The following FRMD4A variants were observed in gnomAD, a reference collection of about 807,000 sequenced individuals.
FRMD4A encodes FERM domain containing 4A.
A neutral mutation model predicts 129.1 loss-of-function variants in FRMD4A; 29 were observed. The ratio of observed to expected loss-of-function variants is 0.22; its 90% CI spans 0.17 to 0.31. The LOEUF is 0.31. Among genes scored for constraint, FRMD4A ranks in the 10% least tolerant of loss-of-function variants. The pLI is 1.00. For synonymous variants in FRMD4A, 634 were observed against 571.6 expected, an observed-to-expected ratio of 1.11 and a Z score of -1.56; for missense variants, 1,272 against 1,375.8, an observed-to-expected ratio of 0.92 and a Z score of 1.19.
intron 3 of FRMD4A, among the ~76,000 whole-genome samples, chr10:13,849,903 C>G (rs2094117367): frequency 6.6e-6 from 1 of 151,810 alleles, no homozygotes; most frequent in African/African-American, 2.4e-5. Flanking sequence ...GGCGCAGTGG[C>G]TCATACCTGT....
intron 6 of FRMD4A, among the ~76,000 whole-genome samples, chr10:13,764,106 G>A (rs576468972): frequency 2.0e-5 from 3 of 152,022 alleles, no homozygotes; most frequent in Non-Finnish European, 2.9e-5. Flanking sequence ...AATTTGATGA[G>A]TTTGGACAGA....
chr10:13,951,761 G>T (rs1186750418), intron 2 of FRMD4A, among the ~76,000 whole-genome samples: 3 of 151,796 alleles, frequency 2.0e-5, no homozygotes, highest in African/African-American at 7.3e-5. Context: ...GTGGTGGCGG[G>T]CGCCTGGAAT....
At chr10:14,283,025 A>G (rs1845572060) in intron 2 of FRMD4A, among the ~76,000 whole-genome samples, 1 of 152,210 alleles carries the variant, frequency 6.6e-6, no homozygotes, top group African/African-American at 2.4e-5. Flanking sequence ...AGTCCAAATA[A>G]CATTGCCACT....
chr10:13,962,938 A>C (rs7894354), intron 2 of FRMD4A, among the ~76,000 whole-genome samples: 2 of 152,268 alleles, frequency 1.3e-5, no homozygotes, highest in African/African-American at 4.8e-5. Context: ...AGATTCAAGA[A>C]TATTTCATGA....
At chr10:14,137,818 A>AT (rs772583090) in intron 2 of FRMD4A, among the ~76,000 whole-genome samples, 149 of 151,870 alleles carry the variant, frequency 9.8e-4, no homozygotes, top group Non-Finnish European at 1.3e-3. Flanking sequence ...AGCTAAAAGC[A>AT]TTTTTTTTCC....
chr10:14,084,442 C>T (rs924576794), intron 2 of FRMD4A, among the ~76,000 whole-genome samples: 3 of 152,146 alleles, frequency 2.0e-5, no homozygotes, highest in South Asian at 2.1e-4. Context: ...CCACTGCACC[C>T]GGCTGGGGTT....
intron 2 of FRMD4A, among the ~76,000 whole-genome samples, chr10:14,105,463 A>T (rs1588985126): frequency 6.6e-6 from 1 of 152,314 alleles, no homozygotes; most frequent in South Asian, 2.1e-4. Flanking sequence ...CTCTCTATAA[A>T]ATTATTAATG....
chr10:14,019,690 T>C (rs899702428), intron 2 of FRMD4A, among the ~76,000 whole-genome samples: 11 of 152,206 alleles, frequency 7.2e-5, no homozygotes, highest in African/African-American at 1.4e-4. Flanking sequence ...AGGATCAATA[T>C]AAACAGGGGA....
intron 2 of FRMD4A, among the ~76,000 whole-genome samples, chr10:14,282,045 C>T (rs978377490): frequency 2.0e-5 from 3 of 152,174 alleles, no homozygotes; most frequent in Non-Finnish European, 4.4e-5. Context: ...TCTTACATGG[C>T]AGCAGGCAAG....
At chr10:13,660,665 ACC>A in intron 19 of FRMD4A, 112 bp from the exon 20 acceptor site, 1 of 683,194 alleles carries the variant, frequency 1.5e-6, no homozygotes, top group African/African-American at 1.8e-5. Context: ...CCAAACCCAC[ACC>A]TTCACCCCTG....
intron 2 of FRMD4A, among the ~76,000 whole-genome samples, chr10:13,947,960 G>A (rs1588483630): frequency 6.6e-6 from 1 of 151,944 alleles, no homozygotes; most frequent in Admixed American, 6.6e-5. Flanking sequence ...GCACTGAGAG[G>A]CCAAGGTGGG....
At chr10:13,971,092 A>G (rs1291818581) in intron 2 of FRMD4A, among the ~76,000 whole-genome samples, 1 of 152,136 alleles carries the variant, frequency 6.6e-6, no homozygotes, top group Non-Finnish European at 1.5e-5. Flanking sequence ...ACATAGGTAC[A>G]CTCACACACA....
chr10:13,934,044 T>G (rs1383743305), intron 2 of FRMD4A, among the ~76,000 whole-genome samples: 7 of 152,234 alleles, frequency 4.6e-5, no homozygotes, highest in African/African-American at 1.7e-4. Flanking sequence ...TGAATGGAGA[T>G]CTAAAAGAAG....
chr10:13,771,679 G>A (rs181400303), intron 6 of FRMD4A, among the ~76,000 whole-genome samples: 1 of 152,310 alleles, frequency 6.6e-6, no homozygotes, highest in African/African-American at 2.4e-5. Flanking sequence ...GCATATTTCA[G>A]CCCATCTCCA....
At chr10:14,189,661 T>A (rs1316064335) in intron 2 of FRMD4A, among the ~76,000 whole-genome samples, 1 of 152,022 alleles carries the variant, frequency 6.6e-6, no homozygotes, top group Non-Finnish European at 1.5e-5. Context: ...TGTATAAATA[T>A]CCTCTCCTAT....
At chr10:14,131,110 A>T (rs1839225494) in intron 2 of FRMD4A, among the ~76,000 whole-genome samples, 1 of 152,226 alleles carries the variant, frequency 6.6e-6, no homozygotes, top group Admixed American at 6.5e-5. Context: ...TTACACCGTA[A>T]GCTCCCAGTT....
intron 2 of FRMD4A, among the ~76,000 whole-genome samples, chr10:14,009,520 G>T (rs1445168199): frequency 6.6e-6 from 1 of 152,190 alleles, no homozygotes; most frequent in Non-Finnish European, 1.5e-5. Context: ...GGAAATGAAG[G>T]TTCTGTTTAT....
intron 2 of FRMD4A, among the ~76,000 whole-genome samples, chr10:14,127,924 T>C (rs1442926569): frequency 2.3e-4 from 1 of 4,402 alleles, no homozygotes; most frequent in African/African-American, 1.9e-3. Flanking sequence ...CTTTCTTTCT[T>C]TCTTTCTTTC....
intron 9 of FRMD4A, among the ~76,000 whole-genome samples, chr10:13,741,124 G>C (rs2090978398): frequency 6.6e-6 from 1 of 152,150 alleles, no homozygotes; most frequent in Non-Finnish European, 1.5e-5. Context: ...ACCATGGCTG[G>C]CTTATCTTGG....
Sources: gnomAD v4.1 joint callset for allele counts (sites outside exome capture counted in the v4.1 genomes callset) on GRCh38, gnomAD v4.1.1 for gene constraint, MANE v1.5 for transcripts, NCBI Gene and HGNC (gene_info 2026-07-23, HGNC 2026-07-21) for gene names.